The following SERHL2 variants were observed in gnomAD, a reference collection of about 807,000 sequenced individuals.
SERHL2 encodes serine hydrolase-like protein 2.
Under a neutral mutation model 25.5 loss-of-function variants are expected in SERHL2, and 29 were observed. That is an observed-to-expected ratio of 1.14 (90% CI 0.85 to 1.55). The LOEUF (loss-of-function observed/expected upper bound fraction) is 1.55, where lower values mean the gene tolerates loss of function less well. Among genes scored for constraint, SERHL2 ranks in the 40% most tolerant of loss-of-function variants. The pLI, the probability that SERHL2 is intolerant of heterozygous loss-of-function variation, is 0.00. For missense variants in SERHL2, 240 were observed against 252.3 expected, an observed-to-expected ratio of 0.95 and a Z score of 0.33; for synonymous variants, 95 against 103.5, an observed-to-expected ratio of 0.92 and a Z score of 0.50.
intron 9 of SERHL2, among the ~76,000 whole-genome samples, chr22:42,568,583 T>A (rs541820536): frequency 1.3e-5 from 2 of 152,054 alleles, no homozygotes; most frequent in African/African-American, 4.8e-5. Flanking sequence ...ATGGAAAGAC[T>A]TCGTTAGGAC....
intron 6 of SERHL2, 45 bp downstream of exon 6, chr22:42,556,633 G>C (rs753757551): frequency 1.4e-6 from 2 of 1,481,462 alleles, no homozygotes; most frequent in South Asian, 1.2e-5. Flanking sequence ...GGAGGACCTG[G>C]GCCCCGGGCA....
At position 42,574,101 on chromosome 22, in the gene SERHL2, C is replaced by G. The variant is rs182193541; in HGVS notation, c.*46C>G. ...AGACCTAGTGCTCCCAGACTCAACACTGGGACTCTGAGTTCCTGAGCCCCA... is the reference window on the plus strand; with the variant it reads ...AGACCTAGTGCTCCCAGACTCAACAGTGGGACTCTGAGTTCCTGAGCCCCA... On this transcript the variant is annotated 3_prime_UTR_variant, in exon 12 of 12. Transcript: ENST00000327678. The G allele has an allele frequency of 1.7e-5, 27 of 1,565,666 alleles. No individual in the cohort carries two copies. Among genetic ancestry groups the G allele is most frequent in the Middle Eastern group, 1.7e-4 (1 of 5,966 alleles).
intron 9 of SERHL2, among the ~76,000 whole-genome samples, chr22:42,568,756 G>C (rs1923752096): frequency 6.6e-6 from 1 of 151,986 alleles, no homozygotes; most frequent in Non-Finnish European, 1.5e-5. Context: ...CTTGAGGCCA[G>C]GAGTTAAAGA....
chr22:42,572,258 T>C (rs984784419), intron 10 of SERHL2, among the ~76,000 whole-genome samples, 178 bp from the exon 11 acceptor site: 1 of 152,054 alleles, frequency 6.6e-6, no homozygotes. Flanking sequence ...CAGCTGAGCA[T>C]GAGCTGAGAT....
At chr22:42,567,344 T>C (rs1038171533) in intron 9 of SERHL2, among the ~76,000 whole-genome samples, 7 of 150,604 alleles carry the variant, frequency 4.6e-5, no homozygotes, top group South Asian at 4.1e-4. Flanking sequence ...CATTTTCTTT[T>C]CTTTTTTTCT....
In SERHL2 at chr22:42,566,247, G is replaced by C. The variant is rs774695008; in HGVS notation, c.614-57G>C. ...GAGGGTTCCAGCAAAGTCACGGAGC[G>C]TCCCCTGACCCTGATGGACAGCATT... On this transcript the variant is annotated intron_variant, in intron 8 of 11. Coordinates refer to ENST00000327678, the MANE Select transcript of SERHL2 (RefSeq NM_014509.5). 6 of 1,573,764 alleles carry C rather than the reference G, an allele frequency of 3.8e-6. No homozygotes were observed. The Admixed American group carries it at 1.0e-4, about 26-fold the overall frequency.
chr22:42,556,293 G>A (rs550155634), intron 5 of SERHL2: 1 of 531,030 alleles, frequency 1.9e-6, no homozygotes, highest in Non-Finnish European at 3.5e-6. Context: ...CCGCACCCTG[G>A]AGTCCAGCCA....
At chr22:42,554,150 G>A in intron 1 of SERHL2, 108 bp downstream of exon 1, 1 of 1,338,784 alleles carries the variant, frequency 7.5e-7, no homozygotes, top group Non-Finnish European at 1.0e-6. Context: ...TCGCCCTCCT[G>A]GGTGTCGCAG....
chr22:42,566,772 A>C (rs1923449703), intron 9 of SERHL2, among the ~76,000 whole-genome samples: 1 of 152,110 alleles, frequency 6.6e-6, no homozygotes, highest in Non-Finnish European at 1.5e-5. Flanking sequence ...GGCTGTGAAG[A>C]TTAAAGAGGG....
At chr22:42,566,771 G>T (rs1210777974) in intron 9 of SERHL2, among the ~76,000 whole-genome samples, 6 of 152,140 alleles carry the variant, frequency 3.9e-5, no homozygotes, top group African/African-American at 1.2e-4. Flanking sequence ...AGGCTGTGAA[G>T]ATTAAAGAGG....
At chr22:42,561,197 C>T (rs537051274) in intron 8 of SERHL2, among the ~76,000 whole-genome samples, 23 of 152,044 alleles carry the variant, frequency 1.5e-4, no homozygotes, top group African/African-American at 5.5e-4. Flanking sequence ...GGGCCTGCTT[C>T]AGAGCAGTGG....
chr22:42,567,087 T>C (rs1477589304), intron 9 of SERHL2, among the ~76,000 whole-genome samples: 1 of 152,184 alleles, frequency 6.6e-6, no homozygotes, highest in Non-Finnish European at 1.5e-5. Context: ...GTGCTGTCGC[T>C]TCAGGTGCTC....
At chr22:42,568,914 T>G (rs914887308) in intron 9 of SERHL2, among the ~76,000 whole-genome samples, 2 of 151,502 alleles carry the variant, frequency 1.3e-5, no homozygotes, top group African/African-American at 4.8e-5. Flanking sequence ...TGCAGTGAGC[T>G]GAGATCGCCC....
At chr22:42,567,375 G>A (rs1275261687) in intron 9 of SERHL2, among the ~76,000 whole-genome samples, 1 of 151,810 alleles carries the variant, frequency 6.6e-6, no homozygotes, top group African/African-American at 2.4e-5. Flanking sequence ...TTAAAAGTTC[G>A]ATTTTTCGGC....
intron 10 of SERHL2, chr22:42,571,495 G>A (rs1187558340): frequency 8.9e-6 from 11 of 1,232,502 alleles, no homozygotes; most frequent in African/African-American, 4.6e-5. Flanking sequence ...GCCCAGTCTC[G>A]GCTGACTGCA....
Position 42,560,259 on chromosome 22 carries a change from G to GC in SERHL2, c.609dup (p.Thr204HisfsTer19), listed in dbSNP as rs1376315588. ...CCTGCAAAGAGGAACCACGAAGGTGGCCACAGGTAAGGGACTCTACTGTCC... is the reference window on the plus strand; with the variant it reads ...CCTGCAAAGAGGAACCACGAAGGTGGCCCACAGGTAAGGGACTCTACTGTCC... On this transcript the variant is annotated frameshift_variant, in exon 8 of 12. Coordinates refer to ENST00000327678, the MANE Select transcript of SERHL2 (RefSeq NM_014509.5). LOFTEE classifies it high-confidence loss of function. The GC allele has an allele frequency of 6.2e-7, 1 of 1,609,480 alleles. No individual in the cohort carries two copies. The highest frequency in any genetic ancestry group is 1.7e-5 in the Admixed American group (1 of 59,978).
chr22:42,573,004 A>C (rs552933815), intron 11 of SERHL2, among the ~76,000 whole-genome samples: 1 of 151,956 alleles, frequency 6.6e-6, no homozygotes, highest in Admixed American at 6.5e-5. Context: ...AAACCACAGC[A>C]GAATACCCGA....
At chr22:42,566,679 A>G (rs1923438012) in intron 9 of SERHL2, among the ~76,000 whole-genome samples, 1 of 151,956 alleles carries the variant, frequency 6.6e-6, no homozygotes, top group Non-Finnish European at 1.5e-5. Flanking sequence ...GAGAGGAGGG[A>G]GACATCCCAG....
At chr22:42,573,649 A>C (rs1924586286) in intron 11 of SERHL2, 2 of 422,630 alleles carry the variant, frequency 4.7e-6, no homozygotes, top group Non-Finnish European at 8.7e-6. Flanking sequence ...CTTCTGATAC[A>C]ATCACAGCAA....
Sources: gnomAD v4.1 joint callset for allele counts (sites outside exome capture counted in the v4.1 genomes callset) on GRCh38, gnomAD v4.1.1 for gene constraint, MANE v1.5 for transcripts, NCBI Gene and HGNC (gene_info 2026-07-23, HGNC 2026-07-21) for gene names.